The following CPO variants were observed in gnomAD, a reference collection of about 807,000 sequenced individuals.
The protein encoded by CPO is metallocarboxypeptidase C.
Under a neutral mutation model 41.2 loss-of-function variants are expected in CPO, and 43 were observed. That is an observed-to-expected ratio of 1.04 (90% CI 0.82 to 1.35). CPO has a LOEUF of 1.35. Among genes scored for constraint, CPO ranks in the 40% most tolerant of loss-of-function variants. CPO has a pLI of 0.00. For missense variants in CPO, 408 were observed against 451.7 expected (o/e 0.90, Z 0.88); for synonymous variants, 178 against 162.7 (o/e 1.09, Z -0.72).
intron 1 of CPO, among the ~76,000 whole-genome samples, chr2:206,947,444 A>T (rs533929058): frequency 2.0e-5 from 3 of 152,194 alleles, no homozygotes; most frequent in Non-Finnish European, 4.4e-5. Flanking sequence ...AAAACTATAA[A>T]ACTCTAGAAG....
At chr2:206,945,579 C>T (rs1246303516) in intron 1 of CPO, among the ~76,000 whole-genome samples, 2 of 152,164 alleles carry the variant, frequency 1.3e-5, no homozygotes, top group Non-Finnish European at 2.9e-5. Context: ...TCAGTTTCCT[C>T]ATTTGTAACA....
chr2:206,960,634 G>A (rs1693461015), intron 5 of CPO, among the ~76,000 whole-genome samples: 1 of 152,210 alleles, frequency 6.6e-6, no homozygotes, highest in African/African-American at 2.4e-5. Flanking sequence ...TTGTTTACAT[G>A]TATGTATACT....
rs984763790 is a variant in CPO, at chr2:206,951,530, A to AT, written c.165+1821dup. 2.1e-3 allele frequency among the ~76,000 whole-genome samples: 322 copies of AT among 152,304 alleles called. 1 individual carries two copies. Among genetic ancestry groups the AT allele is most frequent in the African/African-American group, 7.5e-3 (313 of 41,548 alleles). On this transcript the variant is annotated intron_variant, in intron 2 of 8. Transcript: ENST00000272852. ...TCTCAGCATTTAGGAATATATTCAT[A>AT]TTTTCCAGACTTTTTTTCAACAAGT...
At chr2:206,950,001 A>G (rs979616146) in intron 2 of CPO, among the ~76,000 whole-genome samples, 11 of 151,968 alleles carry the variant, frequency 7.2e-5, no homozygotes, top group Admixed American at 1.3e-4. Context: ...ACCAGAATTA[A>G]CTCTTATTTT....
Position 206,969,473 on chromosome 2 carries a change from T to C in CPO, c.*37T>C, listed in dbSNP as rs1403167027. The C allele has an allele frequency of 5.6e-6, 9 of 1,602,996 alleles. No homozygotes were observed. Among genetic ancestry groups the C allele is most frequent in the East Asian group, 2.2e-5 (1 of 44,548 alleles). On this transcript the variant is annotated 3_prime_UTR_variant, in exon 9 of 9. Coordinates refer to ENST00000272852, the MANE Select transcript of CPO (RefSeq NM_173077.3). ...CCAGGCCTGCTCAACCCCAGTGGCATGAGTGTGGCTGGAGGAACGGTGTGT... is the reference window on the plus strand; with the variant it reads ...CCAGGCCTGCTCAACCCCAGTGGCACGAGTGTGGCTGGAGGAACGGTGTGT...
At chr2:206,955,230 TTAA>T (rs1391880119) in intron 2 of CPO, among the ~76,000 whole-genome samples, 1 of 152,218 alleles carries the variant, frequency 6.6e-6, no homozygotes, top group East Asian at 1.9e-4. Context: ...CTGTTAATTC[TTAA>T]TAACTTATTG....
intron 7 of CPO, among the ~76,000 whole-genome samples, chr2:206,967,945 C>A (rs1275666193): frequency 6.6e-6 from 1 of 152,124 alleles, no homozygotes; most frequent in Non-Finnish European, 1.5e-5. Context: ...AGAATGATGG[C>A]ACTGGAAATG....
chr2:206,956,683 A>C (rs1559072209), intron 3 of CPO, among the ~76,000 whole-genome samples: 1 of 152,212 alleles, frequency 6.6e-6, no homozygotes, highest in Non-Finnish European at 1.5e-5. Flanking sequence ...CTGGTCCAGG[A>C]CCACTCTTTA....
chr2:206,943,723 ATAGAT>A (rs879551348), intron 1 of CPO, among the ~76,000 whole-genome samples: 1,701 of 135,988 alleles, frequency 0.013, 16 homozygotes, highest in South Asian at 0.017. Context: ...TAGATGATGG[ATAGAT>A]GATAGATAGA....
At chr2:206,949,744 G>A (rs1402687025) in intron 2 of CPO, 31 bp downstream of exon 2, 9 of 1,425,622 alleles carry the variant, frequency 6.3e-6, no homozygotes, top group Non-Finnish European at 7.9e-6. Flanking sequence ...GGAGGTTGGT[G>A]GTTGTCACAA....
intron 7 of CPO, among the ~76,000 whole-genome samples, chr2:206,966,211 A>AAT: frequency 6.6e-6 from 1 of 151,112 alleles, no homozygotes; most frequent in South Asian, 2.1e-4. Flanking sequence ...AAAAAAAAAA[A>AAT]ATTTGTTGTC....
At chr2:206,950,468 A>G (rs878939545) in intron 2 of CPO, among the ~76,000 whole-genome samples, 8 of 152,232 alleles carry the variant, frequency 5.3e-5, no homozygotes, top group Non-Finnish European at 1.2e-4. Flanking sequence ...GAACGCTTTT[A>G]CACTGTTGGT....
intron 8 of CPO, 72 bp downstream of exon 8, chr2:206,968,419 A>G: frequency 1.2e-6 from 1 of 860,650 alleles, no homozygotes; most frequent in Admixed American, 1.8e-5. Context: ...GGATGGTGAG[A>G]TAGGCGGGAG....
chr2:206,953,053 C>G (rs1693294943), intron 2 of CPO, among the ~76,000 whole-genome samples: 1 of 152,168 alleles, frequency 6.6e-6, no homozygotes, highest in African/African-American at 2.4e-5. Context: ...AGCTTCCTCC[C>G]ATGATATCTG....
chr2:206,955,133 G>A (rs574229189), intron 2 of CPO, among the ~76,000 whole-genome samples: 12 of 152,368 alleles, frequency 7.9e-5, no homozygotes, highest in Admixed American at 5.9e-4. Flanking sequence ...GCATGATTGT[G>A]TGCCACATGA....
At chr2:206,941,705 C>G (rs1693032509) in intron 1 of CPO, among the ~76,000 whole-genome samples, 1 of 151,992 alleles carries the variant, frequency 6.6e-6, no homozygotes, top group Non-Finnish European at 1.5e-5. Flanking sequence ...TTATGTAACT[C>G]TCGCCAACTC....
At chr2:206,967,346 T>TATATATATATATATATATATAG (rs1452317069) in intron 7 of CPO, among the ~76,000 whole-genome samples, 1 of 111,278 alleles carries the variant, frequency 9.0e-6, no homozygotes, top group African/African-American at 3.8e-5. Flanking sequence ...TATATATATA[T>TATATATATATATATATATATAG]ATATAGATAT....
chr2:206,961,104 A>G (rs1693470844), intron 6 of CPO, among the ~76,000 whole-genome samples, 162 bp downstream of exon 6: 5 of 152,242 alleles, frequency 3.3e-5, no homozygotes, highest in Admixed American at 2.6e-4. Context: ...AATATTATCT[A>G]CATAGTAAGA....
At chr2:206,957,696 G>T (rs193200125) in intron 3 of CPO, among the ~76,000 whole-genome samples, 4 of 152,136 alleles carry the variant, frequency 2.6e-5, no homozygotes, top group Non-Finnish European at 4.4e-5. Context: ...CCCACCTACC[G>T]CTCTGAAAGA....
Sources: gnomAD v4.1 joint callset for allele counts (sites outside exome capture counted in the v4.1 genomes callset) on GRCh38, gnomAD v4.1.1 for gene constraint, MANE v1.5 for transcripts, NCBI Gene and HGNC (gene_info 2026-07-23, HGNC 2026-07-21) for gene names.